ZMAT3: variants seen among roughly 807,000 people sequenced by gnomAD.
The protein encoded by ZMAT3 is zinc finger matrin-type 3.
Under a neutral mutation model 32.3 loss-of-function variants are expected in ZMAT3, and 17 were observed. The observed-to-expected ratio is 0.53, with a 90% CI of 0.36 to 0.79. The LOEUF (loss-of-function observed/expected upper bound fraction) is 0.79. Among genes scored for constraint, ZMAT3 ranks in the 30% least tolerant of loss-of-function variants. The pLI is 0.00. For synonymous variants in ZMAT3, 120 were observed against 133.1 expected (o/e 0.90, Z 0.68); for missense variants, 329 against 359.7 (o/e 0.91, Z 0.69).
At chr3:179,026,379 C>CTTTTTTTTTTT (rs1235818885) in intron 5 of ZMAT3, among the ~76,000 whole-genome samples, 1 of 65,894 alleles carries the variant, frequency 1.5e-5, no homozygotes, top group Non-Finnish European at 2.7e-5. Flanking sequence ...ATGAATTGTG[C>CTTTTTTTTTTT]TTTTTTTTTT....
intron 2 of ZMAT3, among the ~76,000 whole-genome samples, chr3:179,047,698 C>CA (rs61484439): frequency 0.52 from 76,523 of 147,284 alleles, 19,813 homozygotes; most frequent in East Asian, 0.8. Flanking sequence ...ACTAAAAATA[C>CA]AAAAAAAAAA....
chr3:179,045,284 T>C (rs544614752), intron 2 of ZMAT3, among the ~76,000 whole-genome samples: 2 of 152,256 alleles, frequency 1.3e-5, no homozygotes, highest in Admixed American at 1.3e-4. Flanking sequence ...CCAGGAACTA[T>C]AGTTCTAGGT....
At chr3:179,041,595 G>A (rs1395053643) in intron 2 of ZMAT3, among the ~76,000 whole-genome samples, 1 of 152,164 alleles carries the variant, frequency 6.6e-6, no homozygotes, top group African/African-American at 2.4e-5. Context: ...GTGGTAGAGG[G>A]AAATTTATAG....
intron 2 of ZMAT3, among the ~76,000 whole-genome samples, chr3:179,051,819 T>C (rs1181144063): frequency 6.6e-6 from 1 of 152,110 alleles, no homozygotes; most frequent in Non-Finnish European, 1.5e-5. Context: ...GGTACTGGTA[T>C]AAAAACAGGC....
At chr3:179,025,314 T>G (rs552014659) in intron 5 of ZMAT3, 86 bp from the exon 6 acceptor site, 137 of 1,105,176 alleles carry the variant, frequency 1.2e-4, no homozygotes, top group Non-Finnish European at 1.6e-4. Flanking sequence ...TTTGTAATTC[T>G]AAGTTCAAAT....
At chr3:179,064,035 T>A (rs1188438061) in intron 2 of ZMAT3, among the ~76,000 whole-genome samples, 1 of 152,226 alleles carries the variant, frequency 6.6e-6, no homozygotes, top group Non-Finnish European at 1.5e-5. Context: ...TATTGGGCAG[T>A]TTCCACTGCG....
intron 2 of ZMAT3, among the ~76,000 whole-genome samples, chr3:179,067,063 A>G (rs1268003358): frequency 6.6e-6 from 1 of 152,226 alleles, no homozygotes; most frequent in Non-Finnish European, 1.5e-5. Context: ...GATGCAAATT[A>G]TATTAGCTTC....
At chr3:179,065,902 T>C (rs1003100077) in intron 2 of ZMAT3, among the ~76,000 whole-genome samples, 2 of 152,028 alleles carry the variant, frequency 1.3e-5, no homozygotes, top group South Asian at 2.1e-4. Context: ...CGAGACTCTG[T>C]CTCAAAAAAA....
At chr3:179,036,570 G>A (rs1576847404) in intron 2 of ZMAT3, among the ~76,000 whole-genome samples, 1 of 152,136 alleles carries the variant, frequency 6.6e-6, no homozygotes, top group Admixed American at 6.5e-5. Flanking sequence ...GAGGGTAGAA[G>A]GGAGGTGAAC....
Position 179,049,991 on chromosome 3 carries a change from CAAAAAAAAAAAA to C in ZMAT3, c.270+17480_270+17491del, listed in dbSNP as rs34239014. On this transcript the variant is annotated intron_variant, in intron 2 of 5. Coordinates refer to ENST00000311417, the MANE Select transcript of ZMAT3 (RefSeq NM_022470.4). The stretch of plus-strand genomic sequence containing the variant: ...TGGGTGACAGAGCAAGACTCCGTCT[CAAAAAAAAAAAA>C]AAAAAAAAAAAAAAGCCAAGCCTAA... Among the ~76,000 whole-genome samples the C allele has an allele frequency of 1.8e-3, 15 of 8,148 alleles. No individual in the cohort carries two copies. The South Asian group carries it at 0.053, about 29-fold the overall frequency. 5.3% of individuals were successfully genotyped at this position (8,148 alleles called of 152,430 possible). A position where few individuals can be genotyped will look rare whatever the true frequency, so the allele number is the denominator to read the frequency against.
chr3:179,058,767 AAAAAAAG>A (rs1359572325), intron 2 of ZMAT3, among the ~76,000 whole-genome samples: 7 of 151,146 alleles, frequency 4.6e-5, no homozygotes, highest in East Asian at 2.0e-4. Context: ...AAAAAAAAAA[AAAAAAAG>A]AAAAAAGAAA....
intron 2 of ZMAT3, 37 bp downstream of exon 2, chr3:179,067,446 A>G (rs1435637841): frequency 6.2e-7 from 1 of 1,605,658 alleles, no homozygotes; most frequent in African/African-American, 1.3e-5. Flanking sequence ...TGAAATGTTC[A>G]CCCTACTCAA....
At position 179,041,936 on chromosome 3, in the gene ZMAT3, A is replaced by G. The variant is rs141840585; in HGVS notation, c.271-10937T>C. ...CGATCCCACAGAAATACAAACTACC[A>G]TCAGTGAATACTATAAACACCTCTA... On this transcript the variant is annotated intron_variant, in intron 2 of 5. Transcript: ENST00000311417. Among the ~76,000 whole-genome samples, 899 of 152,318 alleles carry G rather than the reference A, an allele frequency of 5.9e-3. 10 individuals carry two copies. The highest frequency in any genetic ancestry group is 0.041 in the East Asian group (213 of 5,194).
rs149728109 is a variant in ZMAT3 at position 179,070,499 on chromosome 3, ATTG to A, written c.-58+1093_-58+1095del. Among the ~76,000 whole-genome samples, 1,357 of 152,358 alleles carry A rather than the reference ATTG, an allele frequency of 8.9e-3. 25 individuals carry two copies. Among genetic ancestry groups the A allele is most frequent in the African/African-American group, 0.031 (1,286 of 41,580 alleles). ...TCCTCAAAAAAATCTATGTATGACA[ATTG>A]CATCAAATATTAGTACATTTGCAAA... is the stretch of plus-strand genomic sequence containing the variant. On this transcript the variant is annotated intron_variant, in intron 1 of 5. Coordinates refer to ENST00000311417, the MANE Select transcript of ZMAT3 (RefSeq NM_022470.4).
chr3:179,033,286 A>G (rs546314352), intron 2 of ZMAT3, among the ~76,000 whole-genome samples: 4 of 152,322 alleles, frequency 2.6e-5, no homozygotes, highest in Admixed American at 2.6e-4. Context: ...GCTTGAAGGC[A>G]GCATACTCGT....
At chr3:179,044,476 C>T (rs1406441881) in intron 2 of ZMAT3, among the ~76,000 whole-genome samples, 1 of 152,086 alleles carries the variant, frequency 6.6e-6, no homozygotes, top group African/African-American at 2.4e-5. Flanking sequence ...AACCCTGTCT[C>T]TACTAAAACT....
At chr3:179,025,717 T>C (rs920863105) in intron 5 of ZMAT3, among the ~76,000 whole-genome samples, 10 of 152,204 alleles carry the variant, frequency 6.6e-5, no homozygotes, top group Admixed American at 3.9e-4. Flanking sequence ...AAAGAAAGTA[T>C]GGTAATGAAT....
chr3:179,054,297 A>C (rs972198584), intron 2 of ZMAT3, among the ~76,000 whole-genome samples: 2 of 152,110 alleles, frequency 1.3e-5, no homozygotes, highest in African/African-American at 4.8e-5. Flanking sequence ...CATCCTCCTC[A>C]TCATCATCTC....
In ZMAT3 at chr3:179,032,760, G is replaced by A. The variant is rs980222332; in HGVS notation, c.271-1761C>T. On this transcript the variant is annotated intron_variant, in intron 2 of 5. Coordinates refer to ENST00000311417, the MANE Select transcript of ZMAT3 (RefSeq NM_022470.4). ...TGTCTGAGAAGTGAGGAGCCCCTCT[G>A]CCCCGCAGCCGCCCCGTCTGGGAAG... Among the ~76,000 whole-genome samples, 7 of 149,578 alleles carry A rather than the reference G, an allele frequency of 4.7e-5. No homozygotes were observed. The South Asian group carries it at 1.5e-3, about 31-fold the overall frequency.
Sources: gnomAD v4.1 joint callset for allele counts (sites outside exome capture counted in the v4.1 genomes callset) on GRCh38, gnomAD v4.1.1 for gene constraint, MANE v1.5 for transcripts, NCBI Gene and HGNC (gene_info 2026-07-23, HGNC 2026-07-21) for gene names.